TRAPPC9: variants seen among roughly 807,000 people sequenced by gnomAD.
The protein encoded by TRAPPC9 is trafficking protein particle complex subunit 9.
TRAPPC9 carries 83 observed loss-of-function variants against 124.0 expected under a neutral mutation model. The observed-to-expected ratio is 0.67, with a 90% confidence interval of 0.56 to 0.80. The LOEUF (loss-of-function observed/expected upper bound fraction) is 0.80. Among genes scored for constraint, TRAPPC9 ranks in the 30% least tolerant of loss-of-function variants. TRAPPC9 has a pLI of 0.00. For missense variants in TRAPPC9, 1,302 were observed against 1,508.3 expected, an observed-to-expected ratio of 0.86 and a Z score of 2.27; for synonymous variants, 638 against 617.5, an observed-to-expected ratio of 1.03 and a Z score of -0.49.
chr8:139,892,210 T>C (rs1830397282), intron 20 of TRAPPC9, among the ~76,000 whole-genome samples: 1 of 152,208 alleles, frequency 6.6e-6, no homozygotes, highest in East Asian at 1.9e-4. Flanking sequence ...ACTGCTGTGC[T>C]GCTCTGGCCC....
chr8:139,871,562 A>G (rs1180883500), intron 21 of TRAPPC9, among the ~76,000 whole-genome samples: 1 of 152,218 alleles, frequency 6.6e-6, no homozygotes, highest in Non-Finnish European at 1.5e-5. Context: ...AATCTGAATC[A>G]AATGATGAAA....
At chr8:140,260,523 C>T (rs2064379222) in intron 15 of TRAPPC9, among the ~76,000 whole-genome samples, 1 of 152,118 alleles carries the variant, frequency 6.6e-6, no homozygotes. Flanking sequence ...AAAAATTTGC[C>T]CAGGCTAATG....
At chr8:139,933,841 G>A (rs947520975) in intron 19 of TRAPPC9, 12 of 152,128 alleles carry the variant, frequency 7.9e-5, no homozygotes, top group Middle Eastern at 3.2e-3. Flanking sequence ...TGTGAGCTCC[G>A]GTAAATTACA....
At chr8:140,069,109 G>A (rs981602036) in intron 17 of TRAPPC9, among the ~76,000 whole-genome samples, 2 of 152,158 alleles carry the variant, frequency 1.3e-5, no homozygotes, top group African/African-American at 2.4e-5. Context: ...GAGCTGTCCC[G>A]ATCCCCTCCT....
At chr8:139,988,868 C>T in intron 18 of TRAPPC9, 32 bp from the exon 19 acceptor site, 4 of 1,394,046 alleles carry the variant, frequency 2.9e-6, no homozygotes, top group African/African-American at 1.4e-5. Flanking sequence ...GTTCAGAATC[C>T]TCTGACAGCC....
intron 17 of TRAPPC9, among the ~76,000 whole-genome samples, chr8:140,125,584 A>ATTTTTTTT (rs1442863537): frequency 9.2e-6 from 1 of 108,254 alleles, no homozygotes; most frequent in African/African-American, 3.9e-5. Context: ...ATCGAATCTC[A>ATTTTTTTT]TTCTTTTTTT....
At chr8:139,898,850 T>G (rs1305260751) in intron 20 of TRAPPC9, among the ~76,000 whole-genome samples, 2 of 152,148 alleles carry the variant, frequency 1.3e-5, no homozygotes, top group African/African-American at 2.4e-5. Context: ...CCGGGTGCAG[T>G]GGCTCATGCC....
At chr8:140,332,297 G>A (rs1337186125) in intron 9 of TRAPPC9, among the ~76,000 whole-genome samples, 1 of 152,206 alleles carries the variant, frequency 6.6e-6, no homozygotes, top group Non-Finnish European at 1.5e-5. Flanking sequence ...CTCATAAGGA[G>A]AGAGTAGAGG....
intron 19 of TRAPPC9, among the ~76,000 whole-genome samples, chr8:139,954,357 C>T (rs1041011672): frequency 1.3e-5 from 2 of 152,216 alleles, no homozygotes; most frequent in African/African-American, 4.8e-5. Context: ...ATATGTTGTA[C>T]GCTTCCCCTC....
intron 17 of TRAPPC9, among the ~76,000 whole-genome samples, chr8:140,067,135 C>A (rs1266052477): frequency 1.3e-5 from 2 of 152,104 alleles, no homozygotes; most frequent in Non-Finnish European, 2.9e-5. Context: ...CTAATTCAAT[C>A]TTCTAAGGTT....
chr8:140,359,428 A>C (rs530851642), intron 9 of TRAPPC9, among the ~76,000 whole-genome samples: 2 of 152,206 alleles, frequency 1.3e-5, no homozygotes, highest in Non-Finnish European at 2.9e-5. Context: ...GGAGCAGTGT[A>C]AGAAGAGAAG....
At chr8:139,915,686 A>T (rs763161058) in intron 19 of TRAPPC9, among the ~76,000 whole-genome samples, 2 of 152,186 alleles carry the variant, frequency 1.3e-5, no homozygotes, top group Non-Finnish European at 2.9e-5. Flanking sequence ...TTCTGCGGGG[A>T]ACATCAGGGC....
At chr8:140,029,641 A>T (rs1000042945) in intron 17 of TRAPPC9, among the ~76,000 whole-genome samples, 10 of 148,062 alleles carry the variant, frequency 6.8e-5, no homozygotes, top group South Asian at 2.1e-4. Flanking sequence ...TAAAATTAAA[A>T]ATATATATAT....
intron 21 of TRAPPC9, among the ~76,000 whole-genome samples, chr8:139,838,184 G>A (rs1230496314): frequency 6.6e-6 from 1 of 152,134 alleles, no homozygotes; most frequent in African/African-American, 2.4e-5. Context: ...TCTTGTGACT[G>A]GATAGCTCTT....
At chr8:140,240,669 C>G (rs542732298) in intron 16 of TRAPPC9, among the ~76,000 whole-genome samples, 1 of 152,244 alleles carries the variant, frequency 6.6e-6, no homozygotes, top group South Asian at 2.1e-4. Context: ...AACTCCTGGG[C>G]TCAAGCAATC....
At position 140,252,754 on chromosome 8, in the gene TRAPPC9, A is replaced by C; in HGVS notation, c.2431+23T>G. The C allele has an allele frequency of 6.2e-7, 1 of 1,612,420 alleles. No individual in the cohort carries two copies. Among genetic ancestry groups the C allele is most frequent in the Non-Finnish European group, 8.5e-7 (1 of 1,179,966 alleles). Reference sequence around the variant, plus strand: ...CAGTATCTAGGACCCTGACGTGCTAATTAAAATTAGGAAAGCGCTTACCAT... The same window carrying C: ...CAGTATCTAGGACCCTGACGTGCTACTTAAAATTAGGAAAGCGCTTACCAT... On this transcript the variant is annotated intron_variant, in intron 16 of 22. Transcript: ENST00000438773. This position sits in a 1 kb window ranked among gnomAD's most constrained non-coding sequence, Gnocchi z 4.2.
At chr8:139,913,007 G>A (rs1831851355) in intron 19 of TRAPPC9, among the ~76,000 whole-genome samples, 3 of 152,220 alleles carry the variant, frequency 2.0e-5, no homozygotes, top group African/African-American at 7.2e-5. Flanking sequence ...AGTTGAGTTT[G>A]ACAACAGTAC....
intron 17 of TRAPPC9, among the ~76,000 whole-genome samples, chr8:140,038,390 C>T (rs139668087): frequency 2.6e-5 from 4 of 152,148 alleles, no homozygotes; most frequent in South Asian, 2.1e-4. Flanking sequence ...CAAGTCAGGA[C>T]GATGAGAAGG....
At chr8:140,156,735 A>G (rs961303504) in intron 17 of TRAPPC9, among the ~76,000 whole-genome samples, 1 of 152,256 alleles carries the variant, frequency 6.6e-6, no homozygotes, top group African/African-American at 2.4e-5. Context: ...CATGAAGAAA[A>G]GAGTACCGCC....
Sources: allele counts gnomAD v4.1 joint callset (sites outside exome capture counted in the v4.1 genomes callset), GRCh38; gene constraint gnomAD v4.1.1; non-coding constraint Gnocchi (gnomAD v3.1); transcripts MANE v1.5; gene names NCBI Gene and HGNC (gene_info 2026-07-23, HGNC 2026-07-21).